MLXIP: variants seen among roughly 807,000 people sequenced by gnomAD.
MLXIP encodes MLX interacting protein.
Under a neutral mutation model 87.2 loss-of-function variants are expected in MLXIP, and 30 were observed. The observed-to-expected ratio is 0.34, with a 90% CI of 0.26 to 0.47. The LOEUF is 0.47. Among genes scored for constraint, MLXIP ranks in the 20% least tolerant of loss-of-function variants. The pLI, the probability that MLXIP is intolerant of heterozygous loss-of-function variation, is 1.00. For synonymous variants in MLXIP, 530 were observed against 514.0 expected, an observed-to-expected ratio of 1.03 and a Z score of -0.42; for missense variants, 1,002 against 1,240.1, an observed-to-expected ratio of 0.81 and a Z score of 2.88.
chr12:122,082,436 G>A (rs1339097092), intron 1 of MLXIP, among the ~76,000 whole-genome samples: 1 of 152,218 alleles, frequency 6.6e-6, no homozygotes. Context: ...AAATTTCCCT[G>A]CAAGGTGGAA....
rs752347184 is a variant in MLXIP, at chr12:122,143,396, A to G, written c.*1584A>G. 3 of 152,408 alleles carry G rather than the reference A, an allele frequency of 2.0e-5. No homozygotes were observed. The highest frequency in any genetic ancestry group is 2.9e-5 in the Non-Finnish European group (2 of 68,174). The allele number at this position is 152,408 out of a possible 1,614,324, so 9.4% of individuals were successfully genotyped here. A position where few individuals can be genotyped will look rare whatever the true frequency, so the allele number is the denominator to read the frequency against. The stretch of plus-strand genomic sequence containing the variant: ...AGCCCTGCACAAAAGCAGCTTGGTG[A>G]CACCACTCAGCCACCCAGAGTACGT... On this transcript the variant is annotated 3_prime_UTR_variant, in exon 17 of 17. Coordinates refer to ENST00000319080, the MANE Select transcript of MLXIP (RefSeq NM_014938.6).
chr12:122,129,147 C>T lies in MLXIP; in HGVS notation c.617C>T (p.Thr206Met), dbSNP rs748755787. The T allele has an allele frequency of 9.3e-6, 15 of 1,609,188 alleles. No homozygotes were observed. Among genetic ancestry groups the T allele is most frequent in the East Asian group, 6.7e-5 (3 of 44,776 alleles). ...DEHRRPEAIT[T>M]EGKYWKSRIE... ...CTGTCCCTGTCCTAGGCCATCACCA[C>T]GGAAGGGAAGTACTGGAAGAGCCGC... Residue 206 changes from threonine (T) to methionine (M), a missense_variant, in exon 4 of 17, where the codon ACG becomes ATG. This residue lies in a region of MLXIP where 127 missense variants were observed against 239.0 expected (regional missense o/e 0.53). Coordinates refer to ENST00000319080, the MANE Select transcript of MLXIP (RefSeq NM_014938.6).
At chr12:122,111,418 A>T (rs1370481014) in intron 1 of MLXIP, among the ~76,000 whole-genome samples, 1 of 152,184 alleles carries the variant, frequency 6.6e-6, no homozygotes, top group African/African-American at 2.4e-5. Context: ...AGAGTTTTTC[A>T]TTCTTTACAT....
intron 1 of MLXIP, among the ~76,000 whole-genome samples, chr12:122,101,291 A>G (rs1236251519): frequency 2.0e-5 from 3 of 151,796 alleles, no homozygotes; most frequent in Non-Finnish European, 4.4e-5. Flanking sequence ...GAGCCCTGGA[A>G]AGCTGCTCTT....
At chr12:122,079,370 C>T (rs1433173806) in intron 1 of MLXIP, 104 bp downstream of exon 1, 1 of 982,690 alleles carries the variant, frequency 1.0e-6, no homozygotes, top group Non-Finnish European at 1.5e-6. Context: ...TTCATGCATT[C>T]CCTTTGGGTC....
intron 16 of MLXIP, 33 bp from the exon 17 acceptor site, chr12:122,141,658 C>A: frequency 1.2e-6 from 2 of 1,609,652 alleles, no homozygotes; most frequent in South Asian, 1.1e-5. Flanking sequence ...GGGTCTGTGT[C>A]ACTGCCTGTG....
At chr12:122,093,701 G>C (rs1166328664) in intron 1 of MLXIP, among the ~76,000 whole-genome samples, 2 of 136,422 alleles carry the variant, frequency 1.5e-5, no homozygotes, top group African/African-American at 5.6e-5. Flanking sequence ...GGTGTGTGGG[G>C]TGTGTTGGTG....
At chr12:122,134,800 G>A (rs1008914457) in intron 9 of MLXIP, 6 of 222,476 alleles carry the variant, frequency 2.7e-5, no homozygotes, top group South Asian at 1.1e-4. Context: ...TCATCCTCCT[G>A]AGTAGCTGAG....
At chr12:122,132,500 C>A in intron 8 of MLXIP, 117 bp downstream of exon 8, 1 of 793,542 alleles carries the variant, frequency 1.3e-6, no homozygotes, top group Non-Finnish European at 2.1e-6. Context: ...AGCAAAGCGC[C>A]AAGCAGTGCT....
chr12:122,108,873 C>T (rs1407422851), intron 1 of MLXIP, among the ~76,000 whole-genome samples: 1 of 152,138 alleles, frequency 6.6e-6, no homozygotes, highest in African/African-American at 2.4e-5. Context: ...TCCAGGAGGC[C>T]TTCAAGCAGG....
In MLXIP at chr12:122,135,595, A is replaced by G; in HGVS notation, c.1961A>G (p.Gln654Arg). 6.3e-7 allele frequency: 1 copy of G among 1,587,236 alleles called. No homozygotes were observed. The highest frequency in any genetic ancestry group is 1.2e-5 in the South Asian group (1 of 86,684). ...PVSRLFPSTA[Q>R]DPLGKGEQVP... ...TCCCGGCTCTTCCCAAGCACAGCGC[A>G]AGACCCCCTGGGGAAGGGCGAGCAG... The change falls in exon 11 of 17, where the codon CAA becomes CGA. Residue 654 changes from glutamine (Q) to arginine (R), a missense_variant. Transcript: ENST00000319080. The surrounding 1 kb of genome is among the most constrained non-coding windows in gnomAD (Gnocchi z 5.3).
intron 1 of MLXIP, among the ~76,000 whole-genome samples, chr12:122,125,247 G>A (rs1952862446): frequency 6.6e-6 from 1 of 150,728 alleles, no homozygotes; most frequent in Non-Finnish European, 1.5e-5. Context: ...CGGCAGAATC[G>A]CTTGAAGCCA....
chr12:122,113,379 C>T (rs952643432), intron 1 of MLXIP, among the ~76,000 whole-genome samples: 2 of 152,100 alleles, frequency 1.3e-5, no homozygotes, highest in Non-Finnish European at 2.9e-5. Context: ...GTGCTCCTCC[C>T]ACCTCAGCCT....
intron 1 of MLXIP, among the ~76,000 whole-genome samples, chr12:122,095,223 TTGTG>T (rs1465640892): frequency 5.0e-5 from 7 of 139,424 alleles, no homozygotes; most frequent in Admixed American, 5.0e-4. Flanking sequence ...GTGTGTTGGT[TTGTG>T]TGTGGGATGT....
chr12:122,086,643 T>G (rs1952171903), intron 1 of MLXIP, among the ~76,000 whole-genome samples: 2 of 152,138 alleles, frequency 1.3e-5, no homozygotes, highest in African/African-American at 2.4e-5. Context: ...CTGTTGTCTG[T>G]GATTAGAATT....
rs1174308802 is a variant in MLXIP, at chr12:122,131,441, C to CTTTT, written c.1000+530_1000+533dup. Among the ~76,000 whole-genome samples the CTTTT allele has an allele frequency of 5.6e-4, 43 of 76,568 alleles. 6 individuals are homozygous for CTTTT. The highest frequency in any genetic ancestry group is 6.6e-4 in the Non-Finnish European group (28 of 42,152). The allele number at this position is 76,568 out of a possible 152,430, so 50.2% of individuals were successfully genotyped here. A position where few individuals can be genotyped will look rare whatever the true frequency, so the allele number is the denominator to read the frequency against. ...GGTTTAGTCCTTGATTTGTTTGAGT[C>CTTTT]TTTTTTTTTTTTTTTTTTTTTTTTT... On this transcript the variant is annotated intron_variant, in intron 7 of 16. Transcript: ENST00000319080.
chr12:122,082,753 G>A (rs1376446247), intron 1 of MLXIP, among the ~76,000 whole-genome samples: 2 of 152,222 alleles, frequency 1.3e-5, no homozygotes, highest in Non-Finnish European at 2.9e-5. Flanking sequence ...GCTATGTACT[G>A]TAGAACATAG....
chr12:122,142,013 A>T lies in MLXIP; in HGVS notation c.*201A>T. 1 of 740,756 alleles carries T rather than the reference A, an allele frequency of 1.3e-6. No homozygotes were observed. Among genetic ancestry groups the T allele is most frequent in the Non-Finnish European group, 2.2e-6 (1 of 453,844 alleles). The allele number at this position is 740,756 out of a possible 1,614,324, so 45.9% of individuals were successfully genotyped here. ...CTGACAGCAATAGCCCGCCTTTGGG[A>T]ACCCCTTGCTGTGAACTCTCTCACT... is the stretch of plus-strand genomic sequence containing the variant. On this transcript the variant is annotated 3_prime_UTR_variant, in exon 17 of 17. Transcript: ENST00000319080.
At chr12:122,092,868 T>C (rs1390196366) in intron 1 of MLXIP, among the ~76,000 whole-genome samples, 2 of 151,726 alleles carry the variant, frequency 1.3e-5, no homozygotes, top group African/African-American at 2.4e-5. Context: ...TTTTATGTTA[T>C]GTTACCTATC....
Sources: gnomAD v4.1 joint callset for allele counts (sites outside exome capture counted in the v4.1 genomes callset) on GRCh38, gnomAD v4.1.1 for gene constraint, gnomAD v4.1.1 regional missense constraint, Gnocchi (gnomAD v3.1) non-coding constraint, MANE v1.5 for transcripts, NCBI Gene and HGNC (gene_info 2026-07-23, HGNC 2026-07-21) for gene names.